The following DLGAP1 variants were observed in gnomAD, a reference collection of about 807,000 sequenced individuals.
The protein encoded by DLGAP1 is DLG associated protein 1.
Under a neutral mutation model 90.8 loss-of-function variants are expected in DLGAP1, and 11 were observed. The observed-to-expected ratio is 0.12, with a 90% CI of 0.08 to 0.20. DLGAP1 has a LOEUF of 0.20. DLGAP1 is among the 10% of genes least tolerant of loss of function. The probability of loss-of-function intolerance (pLI) is 1.00; values close to 1 mark genes in which losing one functional copy is unlikely to be tolerated. For missense variants in DLGAP1, 1,050 were observed against 1,333.8 expected, an observed-to-expected ratio of 0.79 and a Z score of 3.31; for synonymous variants, 558 against 540.7, an observed-to-expected ratio of 1.03 and a Z score of -0.44.
intron 2 of DLGAP1, among the ~76,000 whole-genome samples, chr18:4,147,609 CCA>C (rs1228456473): frequency 1.3e-5 from 2 of 151,822 alleles, no homozygotes; most frequent in African/African-American, 4.8e-5. Context: ...ATCCATCCAT[CCA>C]TCCATCCATC....
rs1349981595 is a variant in DLGAP1, at chr18:3,581,784, G to A, written c.1965+91C>T. 3.3e-6 allele frequency: 5 copies of A among 1,523,574 alleles called. No individual in the cohort carries two copies. In the African/African-American group the frequency reaches 5.5e-5, roughly 17 times the overall value. The allele number at this position is 1,523,574 out of a possible 1,614,324, so 94.4% of individuals were successfully genotyped here. A position where few individuals can be genotyped will look rare whatever the true frequency, so the allele number is the denominator to read the frequency against. On this transcript the variant is annotated intron_variant, in intron 8 of 12. Transcript: ENST00000315677. Reference sequence around the variant, plus strand: ...TATGCATAGATCTATGATTCCAAGCGGCAAGAAAGCAAATCTTCCGGGGAA... The same window carrying A: ...TATGCATAGATCTATGATTCCAAGCAGCAAGAAAGCAAATCTTCCGGGGAA...
At chr18:4,340,275 G>A (rs796661883) in intron 1 of DLGAP1, among the ~76,000 whole-genome samples, 2 of 152,220 alleles carry the variant, frequency 1.3e-5, no homozygotes, top group Non-Finnish European at 2.9e-5. Flanking sequence ...CTAATGGGTG[G>A]GGAGTGTAGA....
At chr18:3,807,284 T>C (rs963598702) in intron 5 of DLGAP1, among the ~76,000 whole-genome samples, 4 of 152,156 alleles carry the variant, frequency 2.6e-5, no homozygotes, top group Non-Finnish European at 5.9e-5. Flanking sequence ...GATCTTCCTT[T>C]CCCCTCCATT....
rs536300392 is a variant in DLGAP1 at position 4,336,117 on chromosome 18, G to C, written c.-267+118889C>G. Among the ~76,000 whole-genome samples, 11 of 152,254 alleles carry C rather than the reference G, an allele frequency of 7.2e-5. No homozygotes were observed. In the South Asian group the frequency reaches 2.3e-3, roughly 32 times the overall value. ...CTGCAGTACGTCTATTACAGTGCAC[G>C]TGCCGACAATGCCCTCCTGACCCAC... On this transcript the variant is annotated intron_variant, in intron 1 of 12. Coordinates refer to ENST00000315677, the MANE Select transcript of DLGAP1 (RefSeq NM_004746.4).
chr18:3,540,623 C>T (rs953171325), intron 9 of DLGAP1, among the ~76,000 whole-genome samples: 1 of 152,032 alleles, frequency 6.6e-6, no homozygotes, highest in Non-Finnish European at 1.5e-5. Context: ...GGGAGGAACC[C>T]TCCTACCCTC....
Position 3,499,483 on chromosome 18 carries a change from G to GT in DLGAP1, c.2725-90dup, listed in dbSNP as rs1451823887. 22 of 1,365,004 alleles carry GT rather than the reference G, an allele frequency of 1.6e-5. No homozygotes were observed. Among genetic ancestry groups the GT allele is most frequent in the Middle Eastern group, 1.9e-4 (1 of 5,264 alleles). The allele number at this position is 1,365,004 out of a possible 1,614,324, so 84.6% of individuals were successfully genotyped here. A position where few individuals can be genotyped will look rare whatever the true frequency, so the allele number is the denominator to read the frequency against. ...GATAGGTCAGTAGTTAGAACACACA[G>GT]TTTTTTACCTAGGGGTGGTTAGTTC... On this transcript the variant is annotated intron_variant, in intron 12 of 12. Transcript: ENST00000315677. The surrounding 1 kb of genome is among the most constrained non-coding windows in gnomAD (Gnocchi z 6.4).
At chr18:3,865,204 C>A (rs1434809665) in intron 4 of DLGAP1, among the ~76,000 whole-genome samples, 1 of 152,056 alleles carries the variant, frequency 6.6e-6, no homozygotes. Flanking sequence ...TTAAATTAAG[C>A]AAAGAATATT....
intron 1 of DLGAP1, among the ~76,000 whole-genome samples, chr18:4,247,153 A>G (rs563568308): frequency 6.6e-6 from 1 of 152,228 alleles, no homozygotes; most frequent in Admixed American, 6.5e-5. Flanking sequence ...CAATAGTATT[A>G]CTATATTACT....
At chr18:4,215,615 A>C (rs775350348) in intron 1 of DLGAP1, among the ~76,000 whole-genome samples, 2 of 152,110 alleles carry the variant, frequency 1.3e-5, no homozygotes, top group East Asian at 1.9e-4. Context: ...GTAAGAGGGA[A>C]ATTTTTTTCC....
At chr18:4,199,375 A>G (rs966030718) in intron 1 of DLGAP1, among the ~76,000 whole-genome samples, 1 of 152,224 alleles carries the variant, frequency 6.6e-6, no homozygotes, top group Non-Finnish European at 1.5e-5. Flanking sequence ...TTTCAACACT[A>G]TGAAGAATAC....
intron 4 of DLGAP1, among the ~76,000 whole-genome samples, chr18:3,826,239 G>A (rs62085186): frequency 1.5e-3 from 221 of 152,208 alleles, no homozygotes; most frequent in Non-Finnish European, 2.0e-3. Flanking sequence ...ATCTATCCAC[G>A]TAACAAGCCT....
At chr18:4,172,535 C>T (rs573540640) in intron 1 of DLGAP1, among the ~76,000 whole-genome samples, 9 of 152,272 alleles carry the variant, frequency 5.9e-5, no homozygotes, top group South Asian at 2.1e-4. Context: ...TCCTTTATAT[C>T]TAATTCCAGT....
chr18:3,567,630 C>T, intron 8 of DLGAP1, 49 bp from the exon 9 acceptor site: 2 of 1,510,902 alleles, frequency 1.3e-6, no homozygotes, highest in Non-Finnish European at 1.8e-6. Context: ...AGTCATCTTG[C>T]TTGAAAAACA....
chr18:3,793,306 C>T (rs755317151), intron 5 of DLGAP1, among the ~76,000 whole-genome samples: 7 of 152,116 alleles, frequency 4.6e-5, no homozygotes, highest in Admixed American at 1.3e-4. Flanking sequence ...GTCCACTGCC[C>T]CACCCTGTTC....
At chr18:3,699,238 A>G (rs1161368568) in intron 7 of DLGAP1, among the ~76,000 whole-genome samples, 1 of 151,760 alleles carries the variant, frequency 6.6e-6, no homozygotes, top group Non-Finnish European at 1.5e-5. Context: ...GGTTTTCGGA[A>G]TTTTCAGCCT....
intron 1 of DLGAP1, among the ~76,000 whole-genome samples, chr18:4,337,369 A>C (rs1411640464): frequency 6.6e-6 from 1 of 151,416 alleles, no homozygotes; most frequent in Non-Finnish European, 1.5e-5. Flanking sequence ...AATTTTTCCT[A>C]CTTTTTGTAG....
At chr18:3,602,585 A>G (rs924584601) in intron 7 of DLGAP1, among the ~76,000 whole-genome samples, 4 of 117,910 alleles carry the variant, frequency 3.4e-5, no homozygotes, top group Non-Finnish European at 5.0e-5. Flanking sequence ...ACAGAGCGAG[A>G]CTCCGTCCAA....
intron 2 of DLGAP1, chr18:4,013,897 T>C (rs1010084351): frequency 1.3e-5 from 2 of 152,176 alleles, no homozygotes; most frequent in Non-Finnish European, 2.9e-5. Context: ...TCTATAGTCC[T>C]AAGCTGGCAA....
chr18:3,673,695 C>G (rs962447028), intron 7 of DLGAP1, among the ~76,000 whole-genome samples: 2 of 151,556 alleles, frequency 1.3e-5, no homozygotes, highest in East Asian at 1.9e-4. Flanking sequence ...TACAGGCATG[C>G]GCCACCATGC....
Sources: allele counts gnomAD v4.1 joint callset (sites outside exome capture counted in the v4.1 genomes callset), GRCh38; gene constraint gnomAD v4.1.1; non-coding constraint Gnocchi (gnomAD v3.1); transcripts MANE v1.5; gene names NCBI Gene and HGNC (gene_info 2026-07-23, HGNC 2026-07-21).